Variants in MBOAT1 observed in about 807,000 individuals in gnomAD.
MBOAT1 encodes membrane-bound glycerophospholipid O-acyltransferase 1.
A neutral mutation model predicts 64.4 loss-of-function variants in MBOAT1; 67 were observed. That is an observed-to-expected ratio of 1.04 (90% CI 0.85 to 1.27). The LOEUF is 1.27. Among genes scored for constraint, MBOAT1 ranks in the 50% most tolerant of loss-of-function variants. The pLI is 0.00. For missense variants in MBOAT1, 563 were observed against 604.6 expected (o/e 0.93, Z 0.72); for synonymous variants, 229 against 218.9 (o/e 1.05, Z -0.41).
In MBOAT1 at chr6:20,144,265, C is replaced by T. The variant is rs374349337; in HGVS notation, c.374G>A (p.Arg125Gln). 2.7e-5 allele frequency: 44 copies of T among 1,612,990 alleles called. No homozygotes were observed. Among genetic ancestry groups the T allele is most frequent in the Non-Finnish European group, 3.6e-5 (43 of 1,179,478 alleles). The change falls in exon 4 of 13, where the codon CGA becomes CAA. Residue 125 changes from arginine (R) to glutamine (Q), a missense_variant. By Grantham distance (43) the Arg-to-Gln change is conservative. Transcript: ENST00000324607. ...MGYLTICHIS[R>Q]IYIFHYGILT... ...AATTCCATAGTGGAAGATGTATATT[C>T]GGCTGATGTGGCATATTGTAAGATA...
chr6:20,185,966 G>A (rs1357213441), intron 1 of MBOAT1, among the ~76,000 whole-genome samples: 1 of 152,168 alleles, frequency 6.6e-6, no homozygotes, highest in Non-Finnish European at 1.5e-5. Flanking sequence ...AGGATCACTT[G>A]AGGCTAGGAG....
At chr6:20,121,161 T>C (rs1424434268) in intron 8 of MBOAT1, among the ~76,000 whole-genome samples, 1 of 152,234 alleles carries the variant, frequency 6.6e-6, no homozygotes, top group Non-Finnish European at 1.5e-5. Context: ...ACAGTGCAGC[T>C]CAGTGGAGAT....
intron 1 of MBOAT1, among the ~76,000 whole-genome samples, chr6:20,163,427 G>A (rs1761921829): frequency 6.6e-6 from 1 of 152,040 alleles, no homozygotes; most frequent in African/African-American, 2.4e-5. Context: ...TACCTCCCAG[G>A]AACTGTTTTC....
chr6:20,198,391 T>C (rs993193424), intron 1 of MBOAT1, among the ~76,000 whole-genome samples: 1 of 152,198 alleles, frequency 6.6e-6, no homozygotes, highest in African/African-American at 2.4e-5. Context: ...GAAGGTTCAT[T>C]GCAAAATAAC....
chr6:20,130,195 T>A (rs1760776201), intron 5 of MBOAT1, among the ~76,000 whole-genome samples: 1 of 152,242 alleles, frequency 6.6e-6, no homozygotes, highest in Non-Finnish European at 1.5e-5. Flanking sequence ...AAAGCCCATA[T>A]TGAAATCTTC....
At chr6:20,127,888 G>C (rs546003880) in intron 6 of MBOAT1, among the ~76,000 whole-genome samples, 2 of 152,256 alleles carry the variant, frequency 1.3e-5, no homozygotes, top group South Asian at 2.1e-4. Flanking sequence ...GTCCCAAACA[G>C]GTTGGAGACT....
intron 4 of MBOAT1, 146 bp downstream of exon 4, chr6:20,144,073 CT>C: frequency 1.7e-6 from 1 of 602,392 alleles, no homozygotes; most frequent in South Asian, 2.0e-5. Context: ...TCAATCAAGT[CT>C]CCAGCCTCAA....
At chr6:20,165,149 G>T (rs1324874898) in intron 1 of MBOAT1, among the ~76,000 whole-genome samples, 2 of 152,120 alleles carry the variant, frequency 1.3e-5, no homozygotes, top group Admixed American at 1.3e-4. Context: ...GCATAAAATA[G>T]ACAAGAGAAG....
chr6:20,152,999 A>AT (rs1330392068), intron 1 of MBOAT1, among the ~76,000 whole-genome samples: 10 of 151,742 alleles, frequency 6.6e-5, no homozygotes, highest in East Asian at 3.9e-4. Flanking sequence ...CGCCCGGCTA[A>AT]TTTTTTTTGT....
chr6:20,113,948 C>A (rs1760248606), intron 10 of MBOAT1, among the ~76,000 whole-genome samples: 1 of 152,134 alleles, frequency 6.6e-6, no homozygotes, highest in Non-Finnish European at 1.5e-5. Flanking sequence ...CTATGGTGCT[C>A]TCTTCATAGG....
intron 4 of MBOAT1, among the ~76,000 whole-genome samples, chr6:20,134,932 A>C (rs564200437): frequency 1.4e-5 from 2 of 146,966 alleles, no homozygotes; most frequent in Non-Finnish European, 3.0e-5. Flanking sequence ...TTGCAAAAAA[A>C]TACAAAACTC....
In MBOAT1 at chr6:20,203,990, G is replaced by A. The variant is rs556396272; in HGVS notation, c.99+8146C>T. On this transcript the variant is annotated intron_variant, in intron 1 of 12. Transcript: ENST00000324607. ...CACCTCTTCAGCTCAGCTCAGCCTTGCTGTTTTACAGATGGGAAGCTGCCT... is the reference window on the plus strand; with the variant it reads ...CACCTCTTCAGCTCAGCTCAGCCTTACTGTTTTACAGATGGGAAGCTGCCT... Among the ~76,000 whole-genome samples, 6 of 152,288 alleles carry A rather than the reference G, an allele frequency of 3.9e-5. No homozygotes were observed. The East Asian group carries it at 9.7e-4, about 24-fold the overall frequency.
At chr6:20,152,344 AAT>A (rs1467204439) in intron 2 of MBOAT1, among the ~76,000 whole-genome samples, 2,225 of 67,658 alleles carry the variant, frequency 0.033, 56 homozygotes, top group African/African-American at 0.079. Flanking sequence ...AAAAATAAAA[AAT>A]AAATAAATAA....
chr6:20,197,780 G>A (rs942792893), intron 1 of MBOAT1, among the ~76,000 whole-genome samples: 1 of 152,160 alleles, frequency 6.6e-6, no homozygotes, highest in African/African-American at 2.4e-5. Context: ...ACCCCCTGAG[G>A]CTGTGTCACA....
chr6:20,109,666 C>G lies in MBOAT1; in HGVS notation c.1293G>C (p.Gln431His). ...GTGCTACCGTGTAAGAGACAGCCAGCTGAGTGACGGCCCAGGTGCCTGCAT... is the reference window on the plus strand; with the variant it reads ...GTGCTACCGTGTAAGAGACAGCCAGGTGAGTGACGGCCCAGGTGCCTGCAT... ...VYDAGTWAVT[Q>H]LAVSYTVAPF... is the part of the protein sequence containing the mutation. The change falls in exon 12 of 13, where the codon CAG becomes CAC. Residue 431 changes from glutamine (Q) to histidine (H), a missense_variant. By Grantham distance (24) the Gln-to-His change is conservative. Transcript: ENST00000324607. 2 of 1,614,176 alleles carry G rather than the reference C, an allele frequency of 1.2e-6. No individual in the cohort carries two copies. The highest frequency in any genetic ancestry group is 1.7e-6 in the Non-Finnish European group (2 of 1,180,004).
At chr6:20,134,410 G>T (rs1561756734) in intron 4 of MBOAT1, among the ~76,000 whole-genome samples, 1 of 151,792 alleles carries the variant, frequency 6.6e-6, no homozygotes, top group Non-Finnish European at 1.5e-5. Flanking sequence ...TGGGTAAAAT[G>T]TTGTCCCACA....
rs192512620 is a variant in MBOAT1 at position 20,101,269 on chromosome 6, A to G, written c.*1017T>C. Among the ~76,000 whole-genome samples the G allele has an allele frequency of 1.3e-5, 2 of 152,324 alleles. No homozygotes were observed. Among genetic ancestry groups the G allele is most frequent in the Admixed American group, 1.3e-4 (2 of 15,304 alleles). ...CCTGTGAAATGGAAAACATTCGGAAAACAGCAGCCCCTCTTCAGCTCCATG... is the reference window on the plus strand; with the variant it reads ...CCTGTGAAATGGAAAACATTCGGAAGACAGCAGCCCCTCTTCAGCTCCATG... On this transcript the variant is annotated 3_prime_UTR_variant, in exon 13 of 13. Coordinates refer to ENST00000324607, the MANE Select transcript of MBOAT1 (RefSeq NM_001080480.3).
intron 12 of MBOAT1, among the ~76,000 whole-genome samples, chr6:20,102,875 G>T (rs186644879): frequency 2.6e-5 from 4 of 152,190 alleles, no homozygotes; most frequent in Admixed American, 1.3e-4. Context: ...ACCTAGTGAC[G>T]TCGTAGCCAT....
Position 20,128,591 on chromosome 6 carries a change from ATAT to A in MBOAT1, c.530+105_530+107del, listed in dbSNP as rs1760726958. ...CAATAGCAGATTCATAAAATAAATGATATTATATCCATAGAACAGAATTAATGT... is the reference window on the plus strand; with the variant it reads ...CAATAGCAGATTCATAAAATAAATGATATATCCATAGAACAGAATTAATGT... On this transcript the variant is annotated intron_variant, in intron 6 of 12. Coordinates refer to ENST00000324607, the MANE Select transcript of MBOAT1 (RefSeq NM_001080480.3). The A allele has an allele frequency of 3.9e-6, 3 of 761,798 alleles. No homozygotes were observed. In the African/African-American group the frequency reaches 5.4e-5, roughly 14 times the overall value. 47.2% of individuals were successfully genotyped at this position (761,798 alleles called of 1,614,324 possible).
Sources: allele counts gnomAD v4.1 joint callset (sites outside exome capture counted in the v4.1 genomes callset), GRCh38; gene constraint gnomAD v4.1.1; transcripts MANE v1.5; gene names NCBI Gene and HGNC (gene_info 2026-07-23, HGNC 2026-07-21).